The following CRHR2 variants were observed in gnomAD, a reference collection of about 807,000 sequenced individuals.
CRHR2 encodes the protein corticotropin-releasing hormone receptor 2.
A neutral mutation model predicts 57.9 loss-of-function variants in CRHR2; 53 were observed. That is an observed-to-expected ratio of 0.92 (90% CI 0.73 to 1.15). The LOEUF (loss-of-function observed/expected upper bound fraction) is 1.15, where lower values mean the gene tolerates loss of function less well. CRHR2 is among the 50% of genes most tolerant of loss of function. The pLI, the probability that CRHR2 is intolerant of heterozygous loss-of-function variation, is 0.00. For synonymous variants in CRHR2, 213 were observed against 220.9 expected, an observed-to-expected ratio of 0.96 and a Z score of 0.32; for missense variants, 532 against 542.6, an observed-to-expected ratio of 0.98 and a Z score of 0.19.
At chr7:30,699,067 C>T (rs1163492611) in intron 1 of CRHR2, among the ~76,000 whole-genome samples, 3 of 152,192 alleles carry the variant, frequency 2.0e-5, no homozygotes, top group East Asian at 3.8e-4. Flanking sequence ...GTCAGGACAG[C>T]GACAAGCCTC....
chr7:30,683,061 G>A (rs1416602414), upstream of CRHR2, among the ~76,000 whole-genome samples: 3 of 152,222 alleles, frequency 2.0e-5, no homozygotes, highest in Admixed American at 1.3e-4. Flanking sequence ...TTTCGGAGGG[G>A]CAGCCAGACC....
At chr7:30,663,781 C>A (rs538923830) in intron 5 of CRHR2, among the ~76,000 whole-genome samples, 17 of 152,364 alleles carry the variant, frequency 1.1e-4, no homozygotes, top group African/African-American at 4.1e-4. Flanking sequence ...CAGGCTCATC[C>A]CCAGGGCACC....
In CRHR2 at chr7:30,665,830, G is replaced by T. The variant is rs1434533686; in HGVS notation, c.316-191C>A. Among the ~76,000 whole-genome samples, 1 of 152,178 alleles carries T rather than the reference G, an allele frequency of 6.6e-6. No individual in the cohort carries two copies. Among genetic ancestry groups the T allele is most frequent in the Non-Finnish European group, 1.5e-5 (1 of 68,030 alleles). On this transcript the variant is annotated intron_variant, in intron 3 of 11. Transcript: ENST00000471646. The surrounding 1 kb of genome is among the most constrained non-coding windows in gnomAD (Gnocchi z 4.5). The stretch of plus-strand genomic sequence containing the variant: ...GCTCTTGTTGTTATAAATGGCTGTG[G>T]TCAGGCCTTCCAACATGCATTTATT...
intron 1 of CRHR2, among the ~76,000 whole-genome samples, chr7:30,696,729 AAT>A (rs1785064816): frequency 6.6e-6 from 1 of 152,138 alleles, no homozygotes; most frequent in Admixed American, 6.5e-5. Context: ...ATCTCAAAAA[AAT>A]AAAATAAAAT....
chr7:30,659,920 G>C (rs1783930931), intron 8 of CRHR2, among the ~76,000 whole-genome samples: 1 of 152,130 alleles, frequency 6.6e-6, no homozygotes, highest in Admixed American at 6.5e-5. Flanking sequence ...GGGCTTTTTT[G>C]TATGTCTTTC....
In CRHR2 at chr7:30,653,163, C is replaced by T; in HGVS notation, c.*297G>A. ...GACAGGTCCTTCTCTGCTCTGGGCC[C>T]AGTAAGGCCCTGGCCAGAGAGGCTG... On this transcript the variant is annotated 3_prime_UTR_variant, in exon 12 of 12. Transcript: ENST00000471646. The surrounding 1 kb of genome is among the most constrained non-coding windows in gnomAD (Gnocchi z 5.0). The T allele has an allele frequency of 2.7e-6, 1 of 371,046 alleles. No homozygotes were observed. The highest frequency in any genetic ancestry group is 5.0e-6 in the Non-Finnish European group (1 of 201,810). 23.0% of individuals were successfully genotyped at this position (371,046 alleles called of 1,614,324 possible).
At chr7:30,689,088 C>T in intron 2 of CRHR2, 1 of 1,052,274 alleles carries the variant, frequency 9.5e-7, no homozygotes, top group Non-Finnish European at 1.4e-6. Context: ...ACCCCACCCA[C>T]CACCCTGCTG....
Position 30,655,931 on chromosome 7 carries a change from A to G in CRHR2, c.913T>C (p.Tyr305His). ...RASTTSETIQ[Y>H]RKAVKATLVL... ...TCAAGGGACCCCCTCACATACCTGT[A>G]CTGGATTGTCTCGGATGTGGTGGAC... Residue 305 changes from tyrosine (Y) to histidine (H), a missense_variant, in exon 9 of 12, where the codon TAC becomes CAC. Transcript: ENST00000471646. The G allele has an allele frequency of 6.2e-7, 1 of 1,613,942 alleles. No homozygotes were observed. Among genetic ancestry groups the G allele is most frequent in the Non-Finnish European group, 8.5e-7 (1 of 1,179,870 alleles).
exon 1 of CRHR2, chr7:30,700,071 G>T: frequency 7.5e-7 from 1 of 1,335,762 alleles, no homozygotes; most frequent in South Asian, 1.8e-5. Flanking sequence ...GGAGCCTGCT[G>T]CCCAGCACGG....
chr7:30,654,951 C>G, intron 11 of CRHR2, 88 bp downstream of exon 11: 1 of 1,568,362 alleles, frequency 6.4e-7, no homozygotes, highest in Non-Finnish European at 8.7e-7. Flanking sequence ...GGCACTCCAG[C>G]AAGGCCGGGC....
chr7:30,666,891 T>C (rs1466242868), intron 3 of CRHR2, among the ~76,000 whole-genome samples: 1 of 152,218 alleles, frequency 6.6e-6, no homozygotes, highest in East Asian at 1.9e-4. Flanking sequence ...ATGGGGAAAC[T>C]GAGGCCCAGA....
At chr7:30,685,739 A>G (rs1290284989), upstream of CRHR2, among the ~76,000 whole-genome samples, 1 of 152,170 alleles carries the variant, frequency 6.6e-6, no homozygotes, top group Non-Finnish European at 1.5e-5. Context: ...ATTCCCAGAC[A>G]AGCAAAAGAG....
At chr7:30,689,450 C>T (rs778255971) in intron 1 of CRHR2, among the ~76,000 whole-genome samples, 3 of 152,206 alleles carry the variant, frequency 2.0e-5, no homozygotes, top group South Asian at 2.1e-4. Flanking sequence ...AGCAGTCTGG[C>T]CTGGGCTGGA....
intron 3 of CRHR2, 137 bp downstream of exon 3, chr7:30,667,091 G>C: frequency 1.4e-6 from 1 of 714,870 alleles, no homozygotes; most frequent in Non-Finnish European, 2.4e-6. Flanking sequence ...AGGACACTGG[G>C]GGCAGGGGCA....
At chr7:30,699,769 C>T (rs1727650010) in intron 1 of CRHR2, 1 of 522,984 alleles carries the variant, frequency 1.9e-6, no homozygotes, top group Non-Finnish European at 3.3e-6. Flanking sequence ...CCAGCCCAGC[C>T]ACCAGGCCCT....
In CRHR2 at chr7:30,656,586, A is replaced by G. The variant is rs1198365181; in HGVS notation, c.832-574T>C. 6.6e-6 allele frequency among the ~76,000 whole-genome samples: 1 copy of G among 152,192 alleles called. No homozygotes were observed. The highest frequency in any genetic ancestry group is 1.9e-4 in the East Asian group (1 of 5,190). ...ACTCCAGAGCCTTCGTAGGCACCCT[A>G]GACAGGGAAGATGGATGGGCTGTGG... On this transcript the variant is annotated intron_variant, in intron 8 of 11. Coordinates refer to ENST00000471646, the MANE Select transcript of CRHR2 (RefSeq NM_001883.5). The surrounding 1 kb of genome is among the most constrained non-coding windows in gnomAD (Gnocchi z 4.4).
chr7:30,660,389 G>A (rs1409769916), intron 8 of CRHR2, among the ~76,000 whole-genome samples, 184 bp downstream of exon 8: 1 of 152,230 alleles, frequency 6.6e-6, no homozygotes, highest in East Asian at 1.9e-4. Flanking sequence ...AGGGCATCGA[G>A]CATGAGGAAG....
At chr7:30,695,751 A>G (rs1056180395) in intron 1 of CRHR2, among the ~76,000 whole-genome samples, 2 of 152,238 alleles carry the variant, frequency 1.3e-5, no homozygotes, top group African/African-American at 4.8e-5. Context: ...TTAAAATTAA[A>G]TAACATTAAA....
At chr7:30,700,014 G>A (rs777246269) in exon 1 of CRHR2, 1 of 1,437,040 alleles carries the variant, frequency 7.0e-7, no homozygotes, top group Admixed American at 3.0e-5. Context: ...GAGGCCTGGG[G>A]GCCCTGAGGG....
Sources: gnomAD v4.1 joint callset for allele counts (sites outside exome capture counted in the v4.1 genomes callset) on GRCh38, gnomAD v4.1.1 for gene constraint, Gnocchi (gnomAD v3.1) non-coding constraint, MANE v1.5 for transcripts, NCBI Gene and HGNC (gene_info 2026-07-23, HGNC 2026-07-21) for gene names.